The following RNF180 variants were observed in gnomAD, a reference collection of about 807,000 sequenced individuals.
RNF180 encodes the protein ring finger protein 180, also known as E3 ubiquitin-protein ligase RNF180.
RNF180 carries 38 observed loss-of-function variants against 59.2 expected under a neutral mutation model. The ratio of observed to expected loss-of-function variants is 0.64; its 90% CI spans 0.50 to 0.84. The LOEUF (loss-of-function observed/expected upper bound fraction) is 0.84. Ranked by LOEUF, RNF180 falls within the 40% of genes least tolerant of loss-of-function variation. RNF180 has a pLI of 0.00. For synonymous variants in RNF180, 262 were observed against 240.3 expected (o/e 1.09, Z -0.84); for missense variants, 705 against 700.9 (o/e 1.01, Z -0.07).
intron 5 of RNF180, among the ~76,000 whole-genome samples, chr5:64,240,308 A>G (rs531901141): frequency 7.5e-4 from 115 of 152,336 alleles, no homozygotes; most frequent in Admixed American, 1.4e-3. Flanking sequence ...TAGGTCCTCT[A>G]TGAATTAAAT....
intron 5 of RNF180, among the ~76,000 whole-genome samples, chr5:64,235,640 A>G (rs1266901286): frequency 1.3e-5 from 2 of 151,840 alleles, no homozygotes; most frequent in Non-Finnish European, 2.9e-5. Flanking sequence ...CTGAATTTCT[A>G]TCTAAATTCC....
intron 7 of RNF180, among the ~76,000 whole-genome samples, chr5:64,360,556 A>G (rs1426807812): frequency 6.6e-6 from 1 of 151,796 alleles, no homozygotes; most frequent in African/African-American, 2.4e-5. Flanking sequence ...AGTTCTGGCC[A>G]GGGCAATTAA....
chr5:64,202,052 T>G (rs900380017), intron 2 of RNF180, among the ~76,000 whole-genome samples: 2 of 152,202 alleles, frequency 1.3e-5, no homozygotes, highest in Non-Finnish European at 2.9e-5. Context: ...TGGATATAAC[T>G]TATATGTAGT....
At chr5:64,217,319 A>C in intron 4 of RNF180, 42 bp from the exon 5 acceptor site, 2 of 1,366,298 alleles carry the variant, frequency 1.5e-6, no homozygotes, top group South Asian at 4.2e-5. Context: ...ACAGACATTC[A>C]TGTGCTTATT....
chr5:64,281,776 C>G (rs6897070), intron 5 of RNF180, among the ~76,000 whole-genome samples: 51,076 of 152,016 alleles, frequency 0.34, 9,612 homozygotes, highest in African/African-American at 0.52. Flanking sequence ...GATTACAGGT[C>G]TAAGCCACCG....
chr5:64,248,407 A>G (rs771405806), intron 5 of RNF180, among the ~76,000 whole-genome samples: 4 of 152,222 alleles, frequency 2.6e-5, no homozygotes, highest in South Asian at 2.1e-4. Context: ...GAACAAATTT[A>G]CAAGAAAAAA....
At chr5:64,204,919 G>A (rs188373072) in intron 2 of RNF180, among the ~76,000 whole-genome samples, 2 of 151,990 alleles carry the variant, frequency 1.3e-5, no homozygotes, top group African/African-American at 2.4e-5. Context: ...CCTGTCTTCC[G>A]CATGCAGACA....
intron 5 of RNF180, among the ~76,000 whole-genome samples, chr5:64,278,151 A>G (rs1741825362): frequency 6.6e-6 from 1 of 152,194 alleles, no homozygotes; most frequent in Admixed American, 6.5e-5. Context: ...GAGATTGCTG[A>G]GTGTCGAAAT....
Position 64,169,705 on chromosome 5 carries a change from A to G in RNF180, c.-1+3752A>G, listed in dbSNP as rs955899790. Among the ~76,000 whole-genome samples the G allele has an allele frequency of 1.1e-4, 17 of 152,224 alleles. No homozygotes were observed. The East Asian group carries it at 1.9e-3, about 17-fold the overall frequency. ...TACCGGAATTTATCCATGTGCAACA[A>G]TAAGTGTTACCAACTGCAAAGACTC... On this transcript the variant is annotated intron_variant, in intron 1 of 7. Transcript: ENST00000389100.
intron 7 of RNF180, among the ~76,000 whole-genome samples, chr5:64,342,964 C>T (rs762049729): frequency 2.0e-4 from 30 of 152,080 alleles, no homozygotes; most frequent in South Asian, 4.1e-4. Context: ...AAACCCAACC[C>T]TGCTTATTAA....
intron 7 of RNF180, among the ~76,000 whole-genome samples, chr5:64,346,274 G>C (rs1580287695): frequency 7.0e-6 from 1 of 141,860 alleles, no homozygotes; most frequent in Non-Finnish European, 1.5e-5. Flanking sequence ...CATGAGGGAA[G>C]ATAAGAGCTA....
intron 7 of RNF180, among the ~76,000 whole-genome samples, chr5:64,359,762 G>GT (rs1201935990): frequency 1.3e-5 from 2 of 151,952 alleles, no homozygotes; most frequent in Non-Finnish European, 2.9e-5. Context: ...GGTTTTTATG[G>GT]TTTTAGGTCC....
intron 7 of RNF180, among the ~76,000 whole-genome samples, chr5:64,343,649 A>G (rs542876815): frequency 6.6e-6 from 1 of 151,832 alleles, no homozygotes; most frequent in Non-Finnish European, 1.5e-5. Context: ...AGAAGCAAGG[A>G]TGACTGACTT....
chr5:64,197,104 A>G (rs1751491290), intron 1 of RNF180, among the ~76,000 whole-genome samples: 1 of 152,238 alleles, frequency 6.6e-6, no homozygotes, highest in South Asian at 2.1e-4. Context: ...GTATTTCACC[A>G]TAAAGTGTAG....
intron 5 of RNF180, among the ~76,000 whole-genome samples, chr5:64,279,690 C>T (rs887398978): frequency 4.6e-5 from 7 of 152,134 alleles, no homozygotes; most frequent in African/African-American, 1.7e-4. Context: ...TATTGAGAAT[C>T]TAAACACATT....
At chr5:64,348,710 C>A (rs529625746) in intron 7 of RNF180, among the ~76,000 whole-genome samples, 2 of 151,812 alleles carry the variant, frequency 1.3e-5, no homozygotes, top group African/African-American at 2.4e-5. Context: ...ACAATATTTC[C>A]TGTTGGGATG....
chr5:64,281,012 G>T (rs1249364550), intron 5 of RNF180, among the ~76,000 whole-genome samples: 1 of 152,146 alleles, frequency 6.6e-6, no homozygotes, highest in Non-Finnish European at 1.5e-5. Flanking sequence ...TCATTGCAGA[G>T]ATCTTTCACC....
intron 5 of RNF180, among the ~76,000 whole-genome samples, chr5:64,274,203 C>G (rs2112362802): frequency 6.6e-6 from 1 of 151,998 alleles, no homozygotes; most frequent in Non-Finnish European, 1.5e-5. Flanking sequence ...TTCCAGTTTA[C>G]TAATTTTGTC....
chr5:64,214,820 G>C (rs908573887), intron 4 of RNF180, among the ~76,000 whole-genome samples: 1 of 152,064 alleles, frequency 6.6e-6, no homozygotes, highest in African/African-American at 2.4e-5. Context: ...TATTTTAAAT[G>C]TATGACATAT....
Sources: gnomAD v4.1 joint callset for allele counts (sites outside exome capture counted in the v4.1 genomes callset) on GRCh38, gnomAD v4.1.1 for gene constraint, MANE v1.5 for transcripts, NCBI Gene and HGNC (gene_info 2026-07-23, HGNC 2026-07-21) for gene names.